The following SLC39A5 variants were observed in gnomAD, a reference collection of about 807,000 sequenced individuals.
SLC39A5 encodes the protein solute carrier family 39 member 5.
Under a neutral mutation model 46.9 loss-of-function variants are expected in SLC39A5, and 42 were observed. The observed-to-expected ratio is 0.90, with a 90% CI of 0.70 to 1.16. The LOEUF (loss-of-function observed/expected upper bound fraction) is 1.16. Among genes scored for constraint, SLC39A5 ranks in the 50% most tolerant of loss-of-function variants. SLC39A5 has a pLI of 0.00. For missense variants in SLC39A5, 677 were observed against 686.8 expected (o/e 0.99, Z 0.16); for synonymous variants, 311 against 323.1 (o/e 0.96, Z 0.40).
chr12:56,236,320 C>G lies in SLC39A5; in HGVS notation c.946-76C>G. On this transcript the variant is annotated intron_variant, in intron 8 of 12. Transcript: ENST00000454355. ...AGGTGGAACCAGGTGTTCATCTTCC[C>G]AGCTTGTGGCCTGGCTTCCCCTTAG... 3 of 1,367,242 alleles carry G rather than the reference C, an allele frequency of 2.2e-6. No individual in the cohort carries two copies. In the South Asian group the frequency reaches 3.5e-5, roughly 16 times the overall value. 84.7% of individuals were successfully genotyped at this position (1,367,242 alleles called of 1,614,324 possible).
intron 6 of SLC39A5, 29 bp from the exon 7 acceptor site, chr12:56,235,123 CCCTGA>C: frequency 6.5e-7 from 1 of 1,549,400 alleles, no homozygotes; most frequent in Non-Finnish European, 8.7e-7. Flanking sequence ...CCTCCTCTTG[CCCTGA>C]CCTAACTTCA....
At position 56,230,267 on chromosome 12, in the gene SLC39A5, C is replaced by T. The variant is rs1870085137; in HGVS notation, c.-143C>T. On this transcript the variant is annotated 5_prime_UTR_variant, in exon 2 of 13. Coordinates refer to ENST00000454355, the MANE Select transcript of SLC39A5 (RefSeq NM_173596.3). Reference sequence around the variant, plus strand: ...CTTCCCCTTTCTTGGTCATCGATCCCTAGAGCTCTGGCTCTTTCTCTTCTT... The same window carrying T: ...CTTCCCCTTTCTTGGTCATCGATCCTTAGAGCTCTGGCTCTTTCTCTTCTT... 6.5e-6 allele frequency: 1 copy of T among 152,678 alleles called. No homozygotes were observed. The highest frequency in any genetic ancestry group is 1.5e-5 in the Non-Finnish European group (1 of 68,144). 9.5% of individuals were successfully genotyped at this position (152,678 alleles called of 1,614,324 possible).
Position 56,236,763 on chromosome 12 carries a change from C to G in SLC39A5, c.1207+17C>G, listed in dbSNP as rs374211055. On this transcript the variant is annotated intron_variant, in intron 10 of 12. Coordinates refer to ENST00000454355, the MANE Select transcript of SLC39A5 (RefSeq NM_173596.3). ...TGGCCATAGGTGTGAGGGGTGGGAA[C>G]GGAGGGAAGCAGGTCCGAGGGGAGG... The G allele has an allele frequency of 1.3e-6, 2 of 1,585,466 alleles. No homozygotes were observed. Among genetic ancestry groups the G allele is most frequent in the African/African-American group, 2.7e-5 (2 of 74,232 alleles).
rs1216133393 is a variant in SLC39A5 at position 56,237,622 on chromosome 12, C to T, written c.1514C>T (p.Pro505Leu). ...PALLRPPEPLPTPHVLLQGLG... is the reference protein window; with the variant it reads ...PALLRPPEPLLTPHVLLQGLG... ...CTGCTTCGTCCTCCGGAGCCCCTGC[C>T]TACGCCCCATGTGCTCCTGCAGGGG... The change falls in exon 13 of 13, where the codon CCT becomes CTT. Residue 505 changes from proline to leucine, a missense_variant. Pro to Leu is a moderately conservative substitution (Grantham distance 98). Coordinates refer to ENST00000454355, the MANE Select transcript of SLC39A5 (RefSeq NM_173596.3). 1 of 1,613,620 alleles carries T rather than the reference C, an allele frequency of 6.2e-7. No homozygotes were observed. Among genetic ancestry groups the T allele is most frequent in the South Asian group, 1.1e-5 (1 of 91,068 alleles).
In SLC39A5 at chr12:56,230,855, G is replaced by C. The variant is rs76132949; in HGVS notation, c.-90G>C. 7.3e-3 allele frequency: 1,228 copies of C among 168,214 alleles called. 17 individuals carry two copies. The highest frequency in any genetic ancestry group is 0.028 in the African/African-American group (1,173 of 42,106). 10.4% of individuals were successfully genotyped at this position (168,214 alleles called of 1,614,324 possible). A position where few individuals can be genotyped will look rare whatever the true frequency, so the allele number is the denominator to read the frequency against. On this transcript the variant is annotated 5_prime_UTR_variant, in exon 3 of 13. Transcript: ENST00000454355. ...GGAACTGCTTAACGTCTACAGCAAGGCCTAATAGGGGACCTGAGGTGACAG... is the reference window on the plus strand; with the variant it reads ...GGAACTGCTTAACGTCTACAGCAAGCCCTAATAGGGGACCTGAGGTGACAG...
chr12:56,231,255 C>T lies in SLC39A5; in HGVS notation c.-20C>T. ...AGAATAGGAGCCAGAACCTGAGCCC[C>T]TAAGCTATTCCCCTCACCAATGATG... On this transcript the variant is annotated 5_prime_UTR_variant, in exon 4 of 13. Coordinates refer to ENST00000454355, the MANE Select transcript of SLC39A5 (RefSeq NM_173596.3). The T allele has an allele frequency of 6.3e-7, 1 of 1,580,130 alleles. No individual in the cohort carries two copies.
At position 56,236,764 on chromosome 12, in the gene SLC39A5, G is replaced by C; in HGVS notation, c.1207+18G>C. 6.3e-7 allele frequency: 1 copy of C among 1,586,118 alleles called. No homozygotes were observed. Among genetic ancestry groups the C allele is most frequent in the South Asian group, 1.2e-5 (1 of 86,742 alleles). On this transcript the variant is annotated intron_variant, in intron 10 of 12. Coordinates refer to ENST00000454355, the MANE Select transcript of SLC39A5 (RefSeq NM_173596.3). ...GGCCATAGGTGTGAGGGGTGGGAACGGAGGGAAGCAGGTCCGAGGGGAGGC... is the reference window on the plus strand; with the variant it reads ...GGCCATAGGTGTGAGGGGTGGGAACCGAGGGAAGCAGGTCCGAGGGGAGGC...
At chr12:56,234,784 T>A (rs765937851) in intron 5 of SLC39A5, 40 bp from the exon 6 acceptor site, 3 of 1,610,004 alleles carry the variant, frequency 1.9e-6, no homozygotes, top group South Asian at 1.1e-5. Flanking sequence ...TGAGTCATAG[T>A]TCCTGGTGAT....
In SLC39A5 at chr12:56,236,759, G is replaced by T. The variant is rs1300799822; in HGVS notation, c.1207+13G>T. The T allele has an allele frequency of 3.8e-6, 6 of 1,586,922 alleles. No homozygotes were observed. The highest frequency in any genetic ancestry group is 5.2e-6 in the Non-Finnish European group (6 of 1,164,458). ...GGGCTGGCCATAGGTGTGAGGGGTG[G>T]GAACGGAGGGAAGCAGGTCCGAGGG... On this transcript the variant is annotated intron_variant, in intron 10 of 12. Transcript: ENST00000454355.
In SLC39A5 at chr12:56,235,620, C is replaced by T. The variant is rs758117918; in HGVS notation, c.865C>T (p.Leu289=). ...GLPEKDLGPG[L]SVLGGLFLLF... ...ACCAGAGAAGGACCTGGGCCCGGGGCTGTCAGTGCTCGGAGGCCTCTTCCT... is the reference window on the plus strand; with the variant it reads ...ACCAGAGAAGGACCTGGGCCCGGGGTTGTCAGTGCTCGGAGGCCTCTTCCT... The change falls in exon 8 of 13, where the codon CTG becomes TTG. Residue 289 remains leucine, a synonymous_variant. Transcript: ENST00000454355. 1.9e-6 allele frequency: 3 copies of T among 1,614,132 alleles called. No homozygotes were observed. In the Admixed American group the frequency reaches 5.0e-5, roughly 27 times the overall value.
Position 56,232,842 on chromosome 12 carries a change from C to T in SLC39A5, c.441C>T (p.Asp147=). Reference sequence around the variant, plus strand: ...TCCTTCACAGGCTTCTGTTGCTGGACCACTCATTGGCTGACCACCTGAATG... The same window carrying T: ...TCCTTCACAGGCTTCTGTTGCTGGATCACTCATTGGCTGACCACCTGAATG... The part of the protein sequence containing the change: ...LDLLHRLLLL[D]HSLADHLNED... The change falls in exon 5 of 13, where the codon GAC becomes GAT. Residue 147 remains aspartate (D), a synonymous_variant. Transcript: ENST00000454355. 1.2e-6 allele frequency: 2 copies of T among 1,612,782 alleles called. No individual in the cohort carries two copies. Among genetic ancestry groups the T allele is most frequent in the Non-Finnish European group, 1.7e-6 (2 of 1,179,470 alleles).
intron 5 of SLC39A5, among the ~76,000 whole-genome samples, 183 bp from the exon 6 acceptor site, chr12:56,234,641 A>G (rs552196063): frequency 6.6e-6 from 1 of 152,094 alleles, no homozygotes; most frequent in East Asian, 1.9e-4. Flanking sequence ...TTGTATTTTT[A>G]GTAGAGACAG....
At position 56,235,241 on chromosome 12, in the gene SLC39A5, G is replaced by T; in HGVS notation, c.719G>T (p.Arg240Leu). Reference protein sequence around the residue: ...SLLLLRLLGPRLLRPLLGFLG... With the variant: ...SLLLLRLLGPLLLRPLLGFLG... ...CTGCTGCTGCGGCTCCTGGGACCTC[G>T]TCTACTACGGCCCTTGCTGGGCTTC... Residue 240 changes from arginine (R) to leucine (L), a missense_variant, in exon 7 of 13, where the codon CGT (arginine) becomes CTT (leucine). Coordinates refer to ENST00000454355, the MANE Select transcript of SLC39A5 (RefSeq NM_173596.3). The T allele has an allele frequency of 6.3e-7, 1 of 1,584,864 alleles. No individual in the cohort carries two copies. The highest frequency in any genetic ancestry group is 8.6e-7 in the Non-Finnish European group (1 of 1,167,674).
chr12:56,235,728 T>C (rs906363482), intron 8 of SLC39A5, 28 bp downstream of exon 8: 1 of 1,612,844 alleles, frequency 6.2e-7, no homozygotes, highest in South Asian at 1.1e-5. Flanking sequence ...CTCCTCCTTC[T>C]GCTGAGACCA....
rs1353007466 is a variant in SLC39A5 at position 56,231,468 on chromosome 12, T to A, written c.194T>A (p.Leu65Gln). 6 of 1,613,494 alleles carry A rather than the reference T, an allele frequency of 3.7e-6. No homozygotes were observed. In the African/African-American group the frequency reaches 8.0e-5, roughly 22 times the overall value. ...GGCTTGGCGCGGCTTCTCCACAGCC[T>A]GGGGCTAGGCCGAGTTCAGGGGCTT... ...AGGLARLLHSLGLGRVQGLRL... is the reference protein window; with the variant it reads ...AGGLARLLHSQGLGRVQGLRL... The change falls in exon 4 of 13, where the codon CTG (leucine) becomes CAG (glutamine). Residue 65 changes from leucine to glutamine, a missense_variant. Coordinates refer to ENST00000454355, the MANE Select transcript of SLC39A5 (RefSeq NM_173596.3).
At chr12:56,236,308 TG>T in intron 8 of SLC39A5, 87 bp from the exon 9 acceptor site, 1 of 1,189,932 alleles carries the variant, frequency 8.4e-7, no homozygotes, top group Non-Finnish European at 1.2e-6. Context: ...TGGAACCAGG[TG>T]TTCATCTTCC....
Position 56,235,563 on chromosome 12 carries a change from CAAG to C in SLC39A5, c.812_814del (p.Glu271del). 7 of 1,613,812 alleles carry C rather than the reference CAAG, an allele frequency of 4.3e-6. No individual in the cohort carries two copies. Among genetic ancestry groups the C allele is most frequent in the Non-Finnish European group, 4.2e-6 (5 of 1,179,948 alleles). ...GCCCTGACCTTCTCTCTGTCAGGCACAAGAAGGGCGGCACGCAGGACCTGGCGG... is the reference window on the plus strand; with the variant it reads ...GCCCTGACCTTCTCTCTGTCAGGCACAAGGGCGGCACGCAGGACCTGGCGG... On this transcript the variant is annotated inframe_deletion, in exon 8 of 13. Coordinates refer to ENST00000454355, the MANE Select transcript of SLC39A5 (RefSeq NM_173596.3).
chr12:56,236,590 G>T lies in SLC39A5; in HGVS notation c.1051G>T (p.Ala351Ser), dbSNP rs1425019489. 6.2e-7 allele frequency: 1 copy of T among 1,612,758 alleles called. No individual in the cohort carries two copies. Among genetic ancestry groups the T allele is most frequent in the African/African-American group, 1.3e-5 (1 of 74,924 alleles). The change falls in exon 10 of 13, where the codon GCT (alanine) becomes TCT (serine). Residue 351 changes from alanine to serine, a missense_variant. Ala to Ser is a moderately conservative substitution (Grantham distance 99). Coordinates refer to ENST00000454355, the MANE Select transcript of SLC39A5 (RefSeq NM_173596.3). ...TGTGCTTCTTCCCGCAGAGCCAGGG[G>T]CTCAGGGCCAGAGGGAGAAGAACAG... ...QPLQAAPEPG[A>S]QGQREKNSQH... is the part of the protein sequence containing the mutation.
intron 8 of SLC39A5, 129 bp downstream of exon 8, chr12:56,235,829 G>T: frequency 4.0e-6 from 5 of 1,250,306 alleles, no homozygotes; most frequent in Non-Finnish European, 5.7e-6. Flanking sequence ...CAGATCACAA[G>T]GTTAGGAGTT....
Sources: allele counts gnomAD v4.1 joint callset (sites outside exome capture counted in the v4.1 genomes callset), GRCh38; gene constraint gnomAD v4.1.1; transcripts MANE v1.5; gene names NCBI Gene and HGNC (gene_info 2026-07-23, HGNC 2026-07-21).